The following TRPM1 variants were observed in gnomAD, a reference collection of about 807,000 sequenced individuals.
TRPM1 encodes TRPM1-203 APA Isoform, Intron 10.
TRPM1 carries 113 observed loss-of-function variants against 149.4 expected under a neutral mutation model. The ratio of observed to expected loss-of-function variants is 0.76; its 90% CI spans 0.65 to 0.88. TRPM1 has a LOEUF of 0.88. Ranked by LOEUF, TRPM1 falls within the 40% of genes least tolerant of loss-of-function variation. The pLI is 0.00. For synonymous variants in TRPM1, 741 were observed against 759.5 expected (o/e 0.98, Z 0.40); for missense variants, 1,976 against 2,038.7 (o/e 0.97, Z 0.59).
intron 1 of TRPM1, among the ~76,000 whole-genome samples, chr15:31,117,057 C>T (rs1161090181): frequency 1.3e-5 from 2 of 152,118 alleles, no homozygotes; most frequent in African/African-American, 2.4e-5. Context: ...AATTAATATA[C>T]TAAGGGTTCT....
intron 18 of TRPM1, among the ~76,000 whole-genome samples, chr15:31,038,967 T>C (rs1447376002): frequency 1.3e-5 from 2 of 149,608 alleles, no homozygotes; most frequent in Non-Finnish European, 3.0e-5. Flanking sequence ...ATGCCCAGGC[T>C]CATAGATAGA....
At chr15:31,015,237 T>C (rs2032317629) in intron 27 of TRPM1, among the ~76,000 whole-genome samples, 1 of 151,376 alleles carries the variant, frequency 6.6e-6, no homozygotes, top group African/African-American at 2.4e-5. Flanking sequence ...CAAAACCCCA[T>C]CTCTACTAAA....
chr15:31,090,076 C>T (rs560718838), intron 1 of TRPM1, among the ~76,000 whole-genome samples: 1 of 152,280 alleles, frequency 6.6e-6, no homozygotes, highest in East Asian at 1.9e-4. Flanking sequence ...AAGTGATTAT[C>T]TTTTTTTCCT....
intron 1 of TRPM1, among the ~76,000 whole-genome samples, chr15:31,088,750 C>A (rs566246373): frequency 1.3e-5 from 2 of 150,402 alleles, no homozygotes; most frequent in Non-Finnish European, 2.9e-5. Context: ...CTTCCTGCTA[C>A]CTGTGGGAAC....
chr15:31,119,999 A>G (rs1469756654), intron 1 of TRPM1, among the ~76,000 whole-genome samples: 1 of 152,182 alleles, frequency 6.6e-6, no homozygotes, highest in African/African-American at 2.4e-5. Context: ...TAATCTGACT[A>G]TATTAATAAT....
intron 1 of TRPM1, among the ~76,000 whole-genome samples, chr15:31,098,161 C>T (rs1169362700): frequency 6.6e-6 from 1 of 152,142 alleles, no homozygotes; most frequent in African/African-American, 2.4e-5. Flanking sequence ...TCAGGCCGGG[C>T]GTGGTGGCTC....
At chr15:31,022,473 A>G (rs1365321820) in intron 27 of TRPM1, among the ~76,000 whole-genome samples, 2 of 151,884 alleles carry the variant, frequency 1.3e-5, no homozygotes, top group Non-Finnish European at 2.9e-5. Context: ...TCTACAAATA[A>G]TAATAAAAAA....
At chr15:31,081,858 C>T (rs949448684) in intron 1 of TRPM1, among the ~76,000 whole-genome samples, 5 of 152,162 alleles carry the variant, frequency 3.3e-5, no homozygotes, top group Non-Finnish European at 4.4e-5. Flanking sequence ...ATGAAGTAAG[C>T]CAGGTCACCC....
chr15:31,026,228 G>GAACTCA lies in TRPM1; in HGVS notation c.3534_3539dup (p.Phe1180_Glu1181dup). On this transcript the variant is annotated inframe_insertion, in exon 27 of 28. Coordinates refer to ENST00000256552, the MANE Select transcript of TRPM1 (RefSeq NM_001252024.2). ...AGTGCTCCTGCACGCACTGCTCCTC[G>GAACTCA]AACTCATGCAGCCTCTTTAGCTCCT... 1 of 1,612,386 alleles carries GAACTCA rather than the reference G, an allele frequency of 6.2e-7. No individual in the cohort carries two copies. The highest frequency in any genetic ancestry group is 8.5e-7 in the Non-Finnish European group (1 of 1,180,014).
At chr15:31,152,411 C>G (rs182018436) in intron 1 of TRPM1, among the ~76,000 whole-genome samples, 1 of 152,162 alleles carries the variant, frequency 6.6e-6, no homozygotes, top group South Asian at 2.1e-4. Context: ...GTGGAAGTGG[C>G]CCACTGCAGG....
chr15:31,152,110 G>T (rs2036310815), intron 1 of TRPM1, among the ~76,000 whole-genome samples: 1 of 152,150 alleles, frequency 6.6e-6, no homozygotes, highest in African/African-American at 2.4e-5. Flanking sequence ...TCAAGCTTGG[G>T]GTCCTCTATA....
rs777536864 is a variant in TRPM1 at position 31,035,571 on chromosome 15, C to T, written c.2675G>A (p.Ser892Asn). ...CTCTCGTATCTTCTCTAACGCCAGGCTCACGATGTAGGAGATGACGATCCA... is the reference window on the plus strand; with the variant it reads ...CTCTCGTATCTTCTCTAACGCCAGGTTCACGATGTAGGAGATGACGATCCA... ...QEWIVISYIV[S>N]LALEKIREIL... Residue 892 changes from serine (S) to asparagine (N), a missense_variant, in exon 21 of 28, where the codon AGC becomes AAC. Around this residue, in one of 3 missense-constraint regions of TRPM1, gnomAD observed 1,332 missense variants for 1,347.1 expected, o/e 0.99. Coordinates refer to ENST00000256552, the MANE Select transcript of TRPM1 (RefSeq NM_001252024.2). 1.2e-6 allele frequency: 2 copies of T among 1,614,202 alleles called. No individual in the cohort carries two copies. The highest frequency in any genetic ancestry group is 2.2e-5 in the East Asian group (1 of 44,890).
chr15:31,055,712 G>A (rs147264862), intron 11 of TRPM1, among the ~76,000 whole-genome samples: 18 of 152,306 alleles, frequency 1.2e-4, no homozygotes, highest in Admixed American at 4.6e-4. Context: ...AGGTTCAGGC[G>A]ATACTCTCCT....
intron 11 of TRPM1, among the ~76,000 whole-genome samples, chr15:31,054,527 TC>T: frequency 6.6e-6 from 1 of 152,284 alleles, no homozygotes; most frequent in African/African-American, 2.4e-5. Flanking sequence ...ACTCCTGACC[TC>T]AGGTGATCCA....
At chr15:31,089,510 T>C (rs980260822) in intron 1 of TRPM1, among the ~76,000 whole-genome samples, 1 of 152,228 alleles carries the variant, frequency 6.6e-6, no homozygotes, top group African/African-American at 2.4e-5. Context: ...TGGGGAGGCC[T>C]GTGTGCAATA....
At chr15:31,081,218 C>T (rs2034848381) in intron 2 of TRPM1, 135 bp downstream of exon 2, 2 of 735,780 alleles carry the variant, frequency 2.7e-6, no homozygotes, top group African/African-American at 1.7e-5. Context: ...CGCCATGGCC[C>T]GAGCCAGGCT....
At position 31,042,061 on chromosome 15, in the gene TRPM1, C is replaced by T. The variant is rs771337881; in HGVS notation, c.1977G>A (p.Glu659=). The T allele has an allele frequency of 2.5e-6, 4 of 1,614,124 alleles. No homozygotes were observed. The South Asian group carries it at 3.3e-5, about 13-fold the overall frequency. Residue 659 remains glutamate, a synonymous_variant, in exon 17 of 28, where the codon GAG becomes GAA. Transcript: ENST00000256552. ...AGGCCACCAGGGCCTTGGCCATGCT[C>T]TCTTCCCCTCGCTGCCAGAGGAACA... ...MAVFLWQRGE[E]SMAKALVACK...
intron 1 of TRPM1, among the ~76,000 whole-genome samples, chr15:31,089,056 G>C (rs1360732661): frequency 6.6e-6 from 1 of 152,120 alleles, no homozygotes; most frequent in Non-Finnish European, 1.5e-5. Context: ...CCAGTAATTA[G>C]GATAAGTAAC....
At chr15:31,113,820 A>G (rs115933157) in intron 1 of TRPM1, among the ~76,000 whole-genome samples, 4 of 152,006 alleles carry the variant, frequency 2.6e-5, no homozygotes, top group South Asian at 2.1e-4. Context: ...AGCAAGATTT[A>G]TTGTGAAGAT....
Sources: gnomAD v4.1 joint callset for allele counts (sites outside exome capture counted in the v4.1 genomes callset) on GRCh38, gnomAD v4.1.1 for gene constraint, gnomAD v4.1.1 regional missense constraint, MANE v1.5 for transcripts, NCBI Gene and HGNC (gene_info 2026-07-23, HGNC 2026-07-21) for gene names.